The following LINGO2 variants were observed in gnomAD, a reference collection of about 807,000 sequenced individuals.
The protein encoded by LINGO2 is leucine-rich repeat and immunoglobulin-like domain-containing nogo receptor-interacting protein 2.
A neutral mutation model predicts 30.6 loss-of-function variants in LINGO2; 14 were observed. The observed-to-expected ratio is 0.46, with a 90% CI of 0.30 to 0.72. LINGO2 has a LOEUF of 0.72. Among genes scored for constraint, LINGO2 ranks in the 30% least tolerant of loss-of-function variants. LINGO2 has a pLI of 0.07. For synonymous variants in LINGO2, 317 were observed against 288.5 expected, an observed-to-expected ratio of 1.10 and a Z score of -1.00; for missense variants, 729 against 751.7, an observed-to-expected ratio of 0.97 and a Z score of 0.35.
intron 5 of LINGO2, among the ~76,000 whole-genome samples, chr9:27,996,636 G>A (rs1433565866): frequency 6.6e-6 from 1 of 152,124 alleles, no homozygotes; most frequent in African/African-American, 2.4e-5. Context: ...TAAAAAAAGG[G>A]GGGTTAGTTA....
intron 3 of LINGO2, among the ~76,000 whole-genome samples, chr9:28,338,407 A>G (rs1355194012): frequency 6.6e-6 from 1 of 152,016 alleles, no homozygotes; most frequent in African/African-American, 2.4e-5. Flanking sequence ...CTCAGATGAG[A>G]CTTTGGGTTT....
intron 4 of LINGO2, among the ~76,000 whole-genome samples, chr9:28,267,203 T>C (rs1210928548): frequency 2.0e-5 from 3 of 151,976 alleles, no homozygotes; most frequent in Non-Finnish European, 4.4e-5. Flanking sequence ...GAACAATGTC[T>C]CTCATTTTGT....
At chr9:28,762,645 T>A in the LINGO2 span, among the ~76,000 whole-genome samples, 14 of 152,068 alleles carry the variant, frequency 9.2e-5, no homozygotes, top group Admixed American at 4.6e-4. Context: ...ATATCTGCGA[T>A]CATTGAACAT....
At chr9:28,981,121 T>C in the LINGO2 span, among the ~76,000 whole-genome samples, 1 of 152,128 alleles carries the variant, frequency 6.6e-6, no homozygotes, top group Non-Finnish European at 1.5e-5. Context: ...TATTTTGAGA[T>C]GAAGTGGCTA....
At chr9:28,196,502 T>A (rs1820018157) in intron 4 of LINGO2, among the ~76,000 whole-genome samples, 2 of 151,694 alleles carry the variant, frequency 1.3e-5, no homozygotes, top group Admixed American at 6.6e-5. Flanking sequence ...CCATTTACAA[T>A]GGAAACAAAA....
At chr9:28,349,946 T>A (rs1819781555) in intron 3 of LINGO2, among the ~76,000 whole-genome samples, 1 of 152,096 alleles carries the variant, frequency 6.6e-6, no homozygotes, top group South Asian at 2.1e-4. Context: ...GACAAGCAAA[T>A]GCTGAGAGAT....
intron 1 of LINGO2, among the ~76,000 whole-genome samples, chr9:28,573,464 A>C (rs973966169): frequency 2.0e-5 from 3 of 152,140 alleles, no homozygotes; most frequent in Non-Finnish European, 4.4e-5. Flanking sequence ...ACCACACAAT[A>C]AATTCCTGTA....
chr9:28,428,500 G>C (rs1271242294), intron 2 of LINGO2, among the ~76,000 whole-genome samples: 1 of 152,104 alleles, frequency 6.6e-6, no homozygotes, highest in East Asian at 1.9e-4. Flanking sequence ...GGTTCATCAG[G>C]ATGGTTAATT....
chr9:29,116,596 T>A, the LINGO2 span, among the ~76,000 whole-genome samples: 1 of 152,052 alleles, frequency 6.6e-6, no homozygotes, highest in Non-Finnish European at 1.5e-5. Context: ...CTGATTTTAC[T>A]ACAATCTCTG....
intron 5 of LINGO2, among the ~76,000 whole-genome samples, chr9:27,997,129 G>A (rs1350856566): frequency 6.6e-6 from 1 of 152,042 alleles, no homozygotes; most frequent in Non-Finnish European, 1.5e-5. Flanking sequence ...AATGACTCTT[G>A]CTGGCTTTAT....
chr9:27,999,098 A>G (rs1821813542), intron 5 of LINGO2, among the ~76,000 whole-genome samples: 2 of 152,104 alleles, frequency 1.3e-5, no homozygotes, highest in South Asian at 4.1e-4. Context: ...CTAAACTAAA[A>G]TAATACCTGG....
chr9:28,621,674 A>G (rs1308797364), intron 1 of LINGO2, among the ~76,000 whole-genome samples: 1 of 152,056 alleles, frequency 6.6e-6, no homozygotes, highest in Non-Finnish European at 1.5e-5. Flanking sequence ...GTTTTTGCAC[A>G]TATTAATAAA....
At chr9:28,713,141 G>C in the LINGO2 span, among the ~76,000 whole-genome samples, 11 of 152,064 alleles carry the variant, frequency 7.2e-5, no homozygotes, top group Non-Finnish European at 1.5e-4. Flanking sequence ...TGCGATTACA[G>C]GTGTAAGCCA....
the LINGO2 span, among the ~76,000 whole-genome samples, chr9:29,008,166 AAC>A: frequency 5.5e-3 from 843 of 152,222 alleles, 11 homozygotes; most frequent in African/African-American, 0.019. Flanking sequence ...TATGAGTGAG[AAC>A]ATGTGATGTT....
chr9:28,435,735 A>G (rs1275262884), intron 2 of LINGO2, among the ~76,000 whole-genome samples: 1 of 152,224 alleles, frequency 6.6e-6, no homozygotes, highest in African/African-American at 2.4e-5. Context: ...TTGGAGAATG[A>G]GTATCAGACT....
chr9:28,001,058 T>C (rs1247388256), intron 5 of LINGO2, among the ~76,000 whole-genome samples: 1 of 152,256 alleles, frequency 6.6e-6, no homozygotes, highest in African/African-American at 2.4e-5. Flanking sequence ...ATCATCTGTT[T>C]GGGATCTATA....
intron 4 of LINGO2, among the ~76,000 whole-genome samples, chr9:28,165,963 A>C (rs1391765150): frequency 6.6e-6 from 1 of 152,198 alleles, no homozygotes; most frequent in African/African-American, 2.4e-5. Context: ...TATTTACCAA[A>C]CACAAAACCA....
chr9:28,390,243 G>A (rs1821769840), intron 2 of LINGO2, among the ~76,000 whole-genome samples: 1 of 152,100 alleles, frequency 6.6e-6, no homozygotes, highest in African/African-American at 2.4e-5. Flanking sequence ...CCCATTGTTC[G>A]CATCCAGCAG....
intron 4 of LINGO2, among the ~76,000 whole-genome samples, chr9:28,029,395 G>C (rs1823549357): frequency 6.6e-6 from 1 of 152,094 alleles, no homozygotes; most frequent in African/African-American, 2.4e-5. Flanking sequence ...TTAAAAACAG[G>C]CAGGGTACTT....
Sources: gnomAD v4.1 joint callset for allele counts (sites outside exome capture counted in the v4.1 genomes callset) on GRCh38, gnomAD v4.1.1 for gene constraint, MANE v1.5 for transcripts, NCBI Gene and HGNC (gene_info 2026-07-23, HGNC 2026-07-21) for gene names.